SCPEP1: variants seen among roughly 807,000 people sequenced by gnomAD.
SCPEP1 encodes the protein serine carboxypeptidase 1.
A neutral mutation model predicts 63.8 loss-of-function variants in SCPEP1; 51 were observed. The ratio of observed to expected loss-of-function variants is 0.80; its 90% CI spans 0.64 to 1.01. The LOEUF is 1.01. Ranked by LOEUF, SCPEP1 falls within the 50% of genes least tolerant of loss-of-function variation. The pLI is 0.00. For missense variants in SCPEP1, 499 were observed against 554.9 expected (o/e 0.90, Z 1.01); for synonymous variants, 204 against 207.8 (o/e 0.98, Z 0.16).
chr17:56,986,484 C>T (rs1031618759), intron 3 of SCPEP1, among the ~76,000 whole-genome samples: 1 of 151,998 alleles, frequency 6.6e-6, no homozygotes, highest in Admixed American at 6.6e-5. Flanking sequence ...TCCCAAAGTG[C>T]TGGGATTACA....
rs1911387104 is a variant in SCPEP1 at position 56,991,172 on chromosome 17, G to T, written c.619+1G>T. 3 of 1,612,970 alleles carry T rather than the reference G, an allele frequency of 1.9e-6. No individual in the cohort carries two copies. Among genetic ancestry groups the T allele is most frequent in the East Asian group, 2.2e-5 (1 of 44,880 alleles). ...GGTGATTCCTGGATCTCCCCTGTTGGTAAGTGTGGCATTTTCAGGCATTTT... is the reference window on the plus strand; with the variant it reads ...GGTGATTCCTGGATCTCCCCTGTTGTTAAGTGTGGCATTTTCAGGCATTTT... On this transcript the variant is annotated splice_donor_variant, in intron 6 of 12. Transcript: ENST00000262288. LOFTEE classifies it high-confidence loss of function.
chr17:57,004,727 A>G (rs1423320397), intron 12 of SCPEP1, among the ~76,000 whole-genome samples: 4 of 152,238 alleles, frequency 2.6e-5, no homozygotes, highest in Non-Finnish European at 4.4e-5. Context: ...AATTTTGTGC[A>G]TGAAGCAAAG....
rs376589533 is a variant in SCPEP1, at chr17:56,995,515, C to T, written c.666C>T (p.Leu222=). The change falls in exon 8 of 13, where the codon CTC becomes CTT. Residue 222 remains leucine (L), a synonymous_variant. Transcript: ENST00000262288. ...CTTGGTTTGCATTCCAGTCTCTTCTCGAAGACAAAGGTCTGGCAGAGGTGT... is the reference window on the plus strand; with the variant it reads ...CTTGGTTTGCATTCCAGTCTCTTCTTGAAGACAAAGGTCTGGCAGAGGTGT... ...WGPYLYSMSL[L]EDKGLAEVSK... The T allele has an allele frequency of 8.7e-6, 14 of 1,612,456 alleles. No individual in the cohort carries two copies. The highest frequency in any genetic ancestry group is 6.7e-5 in the East Asian group (3 of 44,836).
intron 5 of SCPEP1, among the ~76,000 whole-genome samples, chr17:56,990,293 C>T (rs1911353727): frequency 6.6e-6 from 1 of 152,176 alleles, no homozygotes; most frequent in South Asian, 2.1e-4. Context: ...AAGACTTTCA[C>T]ATTTCCTTCT....
chr17:56,996,521 C>G (rs939140653), intron 8 of SCPEP1, among the ~76,000 whole-genome samples: 1 of 150,308 alleles, frequency 6.7e-6, no homozygotes, highest in Non-Finnish European at 1.5e-5. Flanking sequence ...TCCTTTCTTT[C>G]TTTTTTATTT....
chr17:56,985,413 CTT>C lies in SCPEP1; in HGVS notation c.263_264del (p.Phe88Ter). 1 of 1,614,192 alleles carries C rather than the reference CTT, an allele frequency of 6.2e-7. No individual in the cohort carries two copies. The highest frequency in any genetic ancestry group is 8.5e-7 in the Non-Finnish European group (1 of 1,180,026). The stretch of plus-strand genomic sequence containing the variant: ...GCGGTTCTAGCACTGGATTTGGAAA[CTT>C]TGAGGAAATTGGGCCCCTTGACAGT... Reference protein sequence around the residue: ...PGGSSTGFGNFEEIGPLDSDL... With the variant: ...PGGSSTGFGNXEEIGPLDSDL... On this transcript the variant is annotated frameshift_variant, in exon 3 of 13. Transcript: ENST00000262288. LOFTEE classifies it high-confidence loss of function.
At chr17:56,980,649 G>A (rs946057981) in intron 1 of SCPEP1, among the ~76,000 whole-genome samples, 3 of 152,010 alleles carry the variant, frequency 2.0e-5, no homozygotes, top group Admixed American at 6.6e-5. Flanking sequence ...TTAGCCAGGC[G>A]TGGTGGTGCA....
intron 6 of SCPEP1, among the ~76,000 whole-genome samples, chr17:56,993,092 A>G (rs1042888050): frequency 6.6e-6 from 1 of 152,230 alleles, no homozygotes; most frequent in African/African-American, 2.4e-5. Flanking sequence ...GTGCTAGGAA[A>G]AGATACACAG....
At chr17:56,987,554 T>A (rs1911260212) in intron 3 of SCPEP1, 141 bp from the exon 4 acceptor site, 1 of 715,950 alleles carries the variant, frequency 1.4e-6, no homozygotes, top group Non-Finnish European at 2.1e-6. Flanking sequence ...TTTTTAAAAA[T>A]CTCTTTTAGC....
In SCPEP1 at chr17:56,980,938, T is replaced by C. The variant is rs1911050649; in HGVS notation, c.77-144T>C. The C allele has an allele frequency of 4.8e-6, 4 of 827,824 alleles. No individual in the cohort carries two copies. In the East Asian group the frequency reaches 1.1e-4, roughly 24 times the overall value. 51.3% of individuals were successfully genotyped at this position (827,824 alleles called of 1,614,324 possible). On this transcript the variant is annotated intron_variant, in intron 1 of 12. Transcript: ENST00000262288. ...TTTTTCATAGCCGAGGTTTTTTCCT[T>C]ATTCCTGCAATGTACTGGGGTGGCT...
chr17:56,994,930 G>A (rs1333651484), intron 6 of SCPEP1, 51 bp from the exon 7 acceptor site: 1 of 1,506,510 alleles, frequency 6.6e-7, no homozygotes, highest in Non-Finnish European at 9.2e-7. Flanking sequence ...TTTGTCTTTG[G>A]AAAGACAGAG....
rs1482683622 is a variant in SCPEP1 at position 56,988,084 on chromosome 17, G to A, written c.472-132G>A. The A allele has an allele frequency of 7.7e-6, 6 of 782,018 alleles. No homozygotes were observed. The Admixed American group carries it at 1.6e-4, about 21-fold the overall frequency. 48.4% of individuals were successfully genotyped at this position (782,018 alleles called of 1,614,324 possible). ...TAATCAGACGCAATAATCAGATATG[G>A]AGTGGTGGGGGAGGAAGACAAAGCA... On this transcript the variant is annotated intron_variant, in intron 4 of 12. Coordinates refer to ENST00000262288, the MANE Select transcript of SCPEP1 (RefSeq NM_021626.3).
At chr17:56,994,138 A>T (rs1405244610) in intron 6 of SCPEP1, among the ~76,000 whole-genome samples, 1 of 152,202 alleles carries the variant, frequency 6.6e-6, no homozygotes, top group Non-Finnish European at 1.5e-5. Context: ...AAAGTTCGAG[A>T]CCAGACTGGG....
chr17:56,999,450 C>T (rs1911674857), intron 10 of SCPEP1, among the ~76,000 whole-genome samples: 1 of 152,136 alleles, frequency 6.6e-6, no homozygotes, highest in African/African-American at 2.4e-5. Flanking sequence ...GGAAAATACT[C>T]CAAACCTAAG....
At chr17:57,001,254 C>A (rs1297331504) in intron 11 of SCPEP1, among the ~76,000 whole-genome samples, 1 of 152,136 alleles carries the variant, frequency 6.6e-6, no homozygotes, top group Admixed American at 6.5e-5. Flanking sequence ...CCTGTCTCTA[C>A]CACAAAACTT....
chr17:57,001,872 C>A, intron 11 of SCPEP1, 146 bp from the exon 12 acceptor site: 1 of 851,500 alleles, frequency 1.2e-6, no homozygotes, highest in Non-Finnish European at 1.8e-6. Flanking sequence ...CCCTGATCTT[C>A]TGAATCAGAA....
intron 8 of SCPEP1, 131 bp downstream of exon 8, chr17:56,995,766 G>T: frequency 2.0e-6 from 2 of 1,003,126 alleles, no homozygotes; most frequent in South Asian, 4.6e-5. Context: ...TTGCATGCTG[G>T]ATAATAAATC....
At chr17:56,981,763 A>G (rs979126561) in intron 2 of SCPEP1, among the ~76,000 whole-genome samples, 2 of 152,210 alleles carry the variant, frequency 1.3e-5, no homozygotes, top group African/African-American at 4.8e-5. Context: ...CGGAGGTAGC[A>G]GTGAGCTGAG....
Position 57,000,853 on chromosome 17 carries a change from A to C in SCPEP1, c.995-2A>C. The C allele has an allele frequency of 6.2e-7, 1 of 1,614,080 alleles. No individual in the cohort carries two copies. The highest frequency in any genetic ancestry group is 8.5e-7 in the Non-Finnish European group (1 of 1,180,032). ...TCCCTCTTTCTCCTTCCCCATGTGC[A>C]GGCCAGGCTACCAACGTCTTTGTGA... On this transcript the variant is annotated splice_acceptor_variant, in intron 10 of 12. Coordinates refer to ENST00000262288, the MANE Select transcript of SCPEP1 (RefSeq NM_021626.3). LOFTEE classifies it high-confidence loss of function.
Sources: gnomAD v4.1 joint callset for allele counts (sites outside exome capture counted in the v4.1 genomes callset) on GRCh38, gnomAD v4.1.1 for gene constraint, MANE v1.5 for transcripts, NCBI Gene and HGNC (gene_info 2026-07-23, HGNC 2026-07-21) for gene names.